The following CELF1 variants were observed in gnomAD, a reference collection of about 807,000 sequenced individuals.
The protein encoded by CELF1 is 50 kDa nuclear polyadenylated RNA-binding protein.
CELF1 carries 10 observed loss-of-function variants against 61.8 expected under a neutral mutation model. The observed-to-expected ratio is 0.16, with a 90% CI of 0.10 to 0.27. CELF1 has a LOEUF of 0.27. Among genes scored for constraint, CELF1 ranks in the 10% least tolerant of loss-of-function variants. The pLI is 1.00. For synonymous variants in CELF1, 236 were observed against 225.1 expected (o/e 1.05, Z -0.43); for missense variants, 380 against 639.1 (o/e 0.59, Z 4.37).
intron 2 of CELF1, among the ~76,000 whole-genome samples, chr11:47,562,712 GT>G (rs376173983): frequency 4.7e-4 from 69 of 145,746 alleles, no homozygotes; most frequent in Admixed American, 8.3e-4. Context: ...GTTTTGTTTT[GT>G]TTTTTTTTTG....
intron 6 of CELF1, 64 bp downstream of exon 6, chr11:47,486,686 G>T: frequency 7.6e-7 from 1 of 1,319,372 alleles, no homozygotes; most frequent in Non-Finnish European, 1.1e-6. Flanking sequence ...GGGATTACAG[G>T]TGTGAGCCAC....
chr11:47,542,350 A>G (rs2096830657), intron 1 of CELF1, among the ~76,000 whole-genome samples: 1 of 152,172 alleles, frequency 6.6e-6, no homozygotes, highest in African/African-American at 2.4e-5. Context: ...CCTGGGCAAC[A>G]AGAGTGAAAC....
chr11:47,545,859 G>A (rs1459600228), intron 1 of CELF1, among the ~76,000 whole-genome samples: 2 of 114,330 alleles, frequency 1.7e-5, no homozygotes, highest in African/African-American at 3.1e-5. Flanking sequence ...ACGTGTGTGT[G>A]TGTGTGTCTG....
chr11:47,496,264 A>G (rs975777002), intron 3 of CELF1, among the ~76,000 whole-genome samples: 2 of 152,230 alleles, frequency 1.3e-5, no homozygotes, highest in Non-Finnish European at 2.9e-5. Flanking sequence ...TAATAATTTA[A>G]AGTCACCATC....
At chr11:47,510,234 T>C (rs912713334) in intron 1 of CELF1, among the ~76,000 whole-genome samples, 5 of 152,210 alleles carry the variant, frequency 3.3e-5, no homozygotes, top group Non-Finnish European at 7.3e-5. Context: ...TCAGATCCTC[T>C]AAAAGCCTTT....
At chr11:47,509,656 C>T (rs886810659) in intron 1 of CELF1, among the ~76,000 whole-genome samples, 3 of 151,808 alleles carry the variant, frequency 2.0e-5, no homozygotes, top group Admixed American at 6.6e-5. Context: ...TTTGGGAGGC[C>T]GAGGCAGGTG....
intron 1 of CELF1, among the ~76,000 whole-genome samples, chr11:47,536,127 G>C (rs1233175143): frequency 6.6e-6 from 1 of 152,118 alleles, no homozygotes; most frequent in Non-Finnish European, 1.5e-5. Flanking sequence ...CCAGCACTTT[G>C]GGAGGCTGAG....
intron 1 of CELF1, among the ~76,000 whole-genome samples, chr11:47,522,077 A>ATTT (rs2095937224): frequency 6.6e-6 from 1 of 152,056 alleles, no homozygotes; most frequent in African/African-American, 2.4e-5. Flanking sequence ...AGCCTGGCTG[A>ATTT]TTTTTTTGTA....
Position 47,486,770 on chromosome 11 carries a change from G to A in CELF1, c.371C>T (p.Ala124Val). 1 of 1,612,410 alleles carries A rather than the reference G, an allele frequency of 6.2e-7. No individual in the cohort carries two copies. Among genetic ancestry groups the A allele is most frequent in the Non-Finnish European group, 8.5e-7 (1 of 1,178,452 alleles). The stretch of plus-strand genomic sequence containing the variant: ...CTTACCATTGTTCTTCTCACTGTCA[G>A]CAGGTTTCATCTGTATAGGGTGATG... ...GMHHPIQMKP[A>V]DSEKNNAVED... is the part of the protein sequence containing the mutation. The change falls in exon 6 of 15, where the codon GCT (alanine) becomes GTT (valine). Residue 124 changes from alanine to valine, a missense_variant. Ala to Val is a moderately conservative substitution (Grantham distance 64). Coordinates refer to ENST00000687097, the MANE Select transcript of CELF1 (RefSeq NM_001376376.1).
Position 47,487,029 on chromosome 11 carries a change from T to C in CELF1, c.342+130A>G, listed in dbSNP as rs878930431. 45 of 790,072 alleles carry C rather than the reference T, an allele frequency of 5.7e-5. No homozygotes were observed. The South Asian group carries it at 7.2e-4, about 13-fold the overall frequency. The allele number at this position is 790,072 out of a possible 1,614,324, so 48.9% of individuals were successfully genotyped here. ...ATCTCTGAACTGCTCCCTTTATGTC[T>C]TCCTTTACATCAATTCCTGCAGCAG... On this transcript the variant is annotated intron_variant, in intron 5 of 14. Coordinates refer to ENST00000687097, the MANE Select transcript of CELF1 (RefSeq NM_001376376.1).
At chr11:47,536,029 T>C (rs2153705242) in intron 1 of CELF1, among the ~76,000 whole-genome samples, 1 of 152,290 alleles carries the variant, frequency 6.6e-6, no homozygotes, top group East Asian at 1.9e-4. Context: ...CCCAAGGTGC[T>C]GGGATTATAG....
chr11:47,562,456 G>C lies in CELF1; in HGVS notation c.-11+1895C>G, dbSNP rs184479251. ...AGGTGGGAGAATTGCTTGAGCCCAG[G>C]AGGTAGAGGTTGCAGTGAGCTAAGA... On this transcript the variant is annotated intron_variant, in intron 2 of 3. Coordinates refer to the CELF1 transcript ENST00000525841. 3.5e-5 allele frequency among the ~76,000 whole-genome samples: 5 copies of C among 144,604 alleles called. No homozygotes were observed. The East Asian group carries it at 1.1e-3, about 31-fold the overall frequency. 94.9% of individuals were successfully genotyped at this position (144,604 alleles called of 152,430 possible).
At chr11:47,474,189 G>A (rs1199519805) in intron 13 of CELF1, among the ~76,000 whole-genome samples, 3 of 152,134 alleles carry the variant, frequency 2.0e-5, no homozygotes, top group Admixed American at 6.5e-5. Context: ...GAGCCACTGC[G>A]CCCAGCCTAC....
chr11:47,554,714 T>C (rs1178775378), upstream of CELF1, among the ~76,000 whole-genome samples: 1 of 150,860 alleles, frequency 6.6e-6, no homozygotes, highest in Non-Finnish European at 1.5e-5. Context: ...CAGGCTGGAG[T>C]GCAGTGGCGC....
intron 1 of CELF1, among the ~76,000 whole-genome samples, chr11:47,534,822 G>A (rs1289272329): frequency 6.6e-6 from 1 of 152,056 alleles, no homozygotes; most frequent in Non-Finnish European, 1.5e-5. Flanking sequence ...TAAATGTGAT[G>A]TTAAATTACG....
intron 1 of CELF1, among the ~76,000 whole-genome samples, chr11:47,534,022 C>CTTTTTTTTTTTTTTTTTTTTT: frequency 1.1e-5 from 1 of 87,584 alleles, no homozygotes; most frequent in Non-Finnish European, 2.1e-5. Context: ...TTTTTCTTTC[C>CTTTTTTTTTTTTTTTTTTTTT]TTTTTTTTTT....
intron 1 of CELF1, among the ~76,000 whole-genome samples, chr11:47,536,651 G>A (rs999852729): frequency 3.3e-5 from 5 of 152,134 alleles, no homozygotes; most frequent in African/African-American, 9.7e-5. Context: ...TGTAATCCCA[G>A]CTACTCAGAA....
intron 1 of CELF1, among the ~76,000 whole-genome samples, chr11:47,517,423 T>C (rs2095618688): frequency 6.6e-6 from 1 of 152,150 alleles, no homozygotes; most frequent in South Asian, 2.1e-4. Flanking sequence ...TGCCCATTAA[T>C]TGAAGGCTAT....
chr11:47,519,585 G>C (rs921309381), intron 1 of CELF1, among the ~76,000 whole-genome samples: 1 of 151,912 alleles, frequency 6.6e-6, no homozygotes, highest in African/African-American at 2.4e-5. Flanking sequence ...GGTGCTTCTC[G>C]CCGGGCGTGG....
Sources: allele counts gnomAD v4.1 joint callset (sites outside exome capture counted in the v4.1 genomes callset), GRCh38; gene constraint gnomAD v4.1.1; transcripts MANE v1.5; gene names NCBI Gene and HGNC (gene_info 2026-07-23, HGNC 2026-07-21).